KMT5B: variants seen among roughly 807,000 people sequenced by gnomAD.
KMT5B encodes the protein lysine methyltransferase 5B.
KMT5B carries 10 observed loss-of-function variants against 83.2 expected under a neutral mutation model. The ratio of observed to expected loss-of-function variants is 0.12; its 90% confidence interval spans 0.07 to 0.20. The LOEUF (loss-of-function observed/expected upper bound fraction) is 0.20. Among genes scored for constraint, KMT5B ranks in the 10% least tolerant of loss-of-function variants. KMT5B has a pLI of 1.00. For synonymous variants in KMT5B, 349 were observed against 388.8 expected (o/e 0.90, Z 1.20); for missense variants, 753 against 1,067.2 (o/e 0.71, Z 4.10).
intron 1 of KMT5B, among the ~76,000 whole-genome samples, chr11:68,199,713 T>TTAG (rs1263953394): frequency 1.3e-5 from 2 of 152,194 alleles, no homozygotes; most frequent in Admixed American, 6.6e-5. Context: ...GGAGACGTTA[T>TTAG]TAGTAGTAGT....
At chr11:68,174,725 T>TA (rs1856188320) in intron 5 of KMT5B, among the ~76,000 whole-genome samples, 2 of 152,126 alleles carry the variant, frequency 1.3e-5, no homozygotes, top group South Asian at 2.1e-4. Context: ...CTTATTTTTT[T>TA]AGAGATGGAG....
At chr11:68,194,120 A>C (rs540583674) in intron 1 of KMT5B, among the ~76,000 whole-genome samples, 1 of 152,138 alleles carries the variant, frequency 6.6e-6, no homozygotes, top group South Asian at 2.1e-4. Flanking sequence ...ACAGTAATAG[A>C]TAAAAACATA....
At chr11:68,174,869 A>C (rs1856206163) in intron 5 of KMT5B, 149 bp downstream of exon 5, 1 of 727,664 alleles carries the variant, frequency 1.4e-6, no homozygotes. Context: ...ACTGTCATCC[A>C]AATGACTGTA....
chr11:68,180,167 T>C lies in KMT5B; in HGVS notation c.342A>G (p.Ser114=). 6.3e-7 allele frequency: 1 copy of C among 1,578,372 alleles called. No individual in the cohort carries two copies. Among genetic ancestry groups the C allele is most frequent in the Non-Finnish European group, 8.7e-7 (1 of 1,151,670 alleles). The part of the protein sequence containing the change: ...AFPSRSSRHF[S]KSDSFSHNNP... ...TGTTGTGAGAAAAACTGTCAGATTT[T>C]GAAAAATGCCTTGAGCTCCTCGAAG... The change falls in exon 4 of 11, where the codon TCA becomes TCG. Residue 114 remains serine, a synonymous_variant. Transcript: ENST00000304363.
At chr11:68,194,972 C>T (rs1858534583) in intron 1 of KMT5B, among the ~76,000 whole-genome samples, 1 of 152,038 alleles carries the variant, frequency 6.6e-6, no homozygotes, top group South Asian at 2.1e-4. Context: ...GCCAGGAGTT[C>T]GAGACCAGCC....
At chr11:68,202,799 G>T in intron 1 of KMT5B, among the ~76,000 whole-genome samples, 1 of 151,992 alleles carries the variant, frequency 6.6e-6, no homozygotes, top group East Asian at 1.9e-4. Context: ...TGCCCACCTC[G>T]GCCTCCCAAA....
intron 10 of KMT5B, chr11:68,166,453 C>T: frequency 2.0e-6 from 2 of 1,000,574 alleles, no homozygotes; most frequent in Non-Finnish European, 2.4e-6. Context: ...CAAAATGCTC[C>T]TCTATCACAA....
At chr11:68,164,364 C>CACAA (rs1446771591) in intron 10 of KMT5B, among the ~76,000 whole-genome samples, 1 of 152,198 alleles carries the variant, frequency 6.6e-6, no homozygotes, top group Non-Finnish European at 1.5e-5. Context: ...ACTCCGCAAA[C>CACAA]ACATACACAG....
rs1403426718 is a variant in KMT5B at position 68,156,978 on chromosome 11, A to G, written c.*710T>C. On this transcript the variant is annotated 3_prime_UTR_variant, in exon 11 of 11. Coordinates refer to ENST00000304363, the MANE Select transcript of KMT5B (RefSeq NM_017635.5). Reference sequence around the variant, plus strand: ...ATCTAAAAGGATTGAAAAGAGTTAAATACAAGGTTTTTAATTTACATGACA... The same window carrying G: ...ATCTAAAAGGATTGAAAAGAGTTAAGTACAAGGTTTTTAATTTACATGACA... 1 of 152,384 alleles carries G rather than the reference A, an allele frequency of 6.6e-6. No homozygotes were observed. Among genetic ancestry groups the G allele is most frequent in the African/African-American group, 2.4e-5 (1 of 41,462 alleles). The allele number at this position is 152,384 out of a possible 1,614,324, so 9.4% of individuals were successfully genotyped here. A position where few individuals can be genotyped will look rare whatever the true frequency, so the allele number is the denominator to read the frequency against.
At chr11:68,201,229 T>C (rs922647827) in intron 1 of KMT5B, among the ~76,000 whole-genome samples, 8 of 152,166 alleles carry the variant, frequency 5.3e-5, no homozygotes, top group Non-Finnish European at 2.9e-5. Flanking sequence ...AGTGCTACCG[T>C]TGCTGGGGGG....
rs1724225128 is a variant in KMT5B at position 68,155,876 on chromosome 11, G to A, written c.*1812C>T. 6.6e-6 allele frequency: 1 copy of A among 152,230 alleles called. No homozygotes were observed. The highest frequency in any genetic ancestry group is 1.5e-5 in the Non-Finnish European group (1 of 68,050). 9.4% of individuals were successfully genotyped at this position (152,230 alleles called of 1,614,324 possible). On this transcript the variant is annotated 3_prime_UTR_variant, in exon 11 of 11. Transcript: ENST00000304363. Reference sequence around the variant, plus strand: ...TTCCAAACGCCTGAGGAGTTCGACTGCACCACAACAAACAAGGATGAGACT... The same window carrying A: ...TTCCAAACGCCTGAGGAGTTCGACTACACCACAACAAACAAGGATGAGACT...
At chr11:68,166,960 T>G (rs1203074718) in intron 10 of KMT5B, 22 bp downstream of exon 10, 1 of 1,610,894 alleles carries the variant, frequency 6.2e-7, no homozygotes, top group Non-Finnish European at 8.5e-7. Context: ...AAAGATATGC[T>G]TATCAAATCT....
chr11:68,213,300 G>C (rs890680121), upstream of KMT5B: 1 of 147,506 alleles, frequency 6.8e-6, no homozygotes, highest in African/African-American at 2.5e-5. Context: ...CCAAGATGGC[G>C]GCGCGGGCCG....
chr11:68,198,154 C>T (rs1858945342), intron 1 of KMT5B, among the ~76,000 whole-genome samples: 1 of 152,138 alleles, frequency 6.6e-6, no homozygotes, highest in South Asian at 2.1e-4. Flanking sequence ...GAGGCCAAGG[C>T]GGGCAGATCA....
chr11:68,208,675 T>C (rs1272186882), intron 1 of KMT5B, among the ~76,000 whole-genome samples: 1 of 151,894 alleles, frequency 6.6e-6, no homozygotes, highest in Non-Finnish European at 1.5e-5. Flanking sequence ...ATCAGGGAAA[T>C]ATAAATCAAA....
intron 2 of KMT5B, among the ~76,000 whole-genome samples, chr11:68,187,195 G>A (rs190389033): frequency 2.0e-4 from 30 of 151,738 alleles, no homozygotes; most frequent in Non-Finnish European, 3.2e-4. Flanking sequence ...GTGGGGTCTC[G>A]CCATATTGTC....
At position 68,171,715 on chromosome 11, in the gene KMT5B, T is replaced by G; in HGVS notation, c.654-6A>C. 6.2e-7 allele frequency: 1 copy of G among 1,605,748 alleles called. No homozygotes were observed. Among genetic ancestry groups the G allele is most frequent in the Non-Finnish European group, 8.5e-7 (1 of 1,174,230 alleles). On this transcript the variant is annotated splice_region_variant and splice_polypyrimidine_tract_variant and intron_variant, in intron 6 of 10. Transcript: ENST00000304363. The surrounding 1 kb of genome is among the most constrained non-coding windows in gnomAD (Gnocchi z 5.1). ...CTATTTTGTCATTTCGTTTCCTATT[T>G]AAAATATGTGATGTGTTAAAAATTA...
rs1288795596 is a variant in KMT5B at position 68,158,863 on chromosome 11, CCTT to C, written c.1480_1482del (p.Lys494del). On this transcript the variant is annotated inframe_deletion, in exon 11 of 11. Coordinates refer to ENST00000304363, the MANE Select transcript of KMT5B (RefSeq NM_017635.5). ...GCGGCTTGGGCTGGTCCCTCTGGCT[CCTT>C]ATCTTTTTTAATGGGCAAATTTTTA... 6.2e-7 allele frequency: 1 copy of C among 1,613,970 alleles called. No homozygotes were observed. Among genetic ancestry groups the C allele is most frequent in the African/African-American group, 1.3e-5 (1 of 74,888 alleles).
intron 1 of KMT5B, among the ~76,000 whole-genome samples, chr11:68,202,936 A>G (rs1859639022): frequency 6.6e-6 from 1 of 152,206 alleles, no homozygotes; most frequent in Admixed American, 6.5e-5. Flanking sequence ...TTTTGACGAT[A>G]TACCCAGAAG....
Sources: gnomAD v4.1 joint callset for allele counts (sites outside exome capture counted in the v4.1 genomes callset) on GRCh38, gnomAD v4.1.1 for gene constraint, Gnocchi (gnomAD v3.1) non-coding constraint, MANE v1.5 for transcripts, NCBI Gene and HGNC (gene_info 2026-07-23, HGNC 2026-07-21) for gene names.